The following DHX9 variants were observed in gnomAD, a reference collection of about 807,000 sequenced individuals.
The protein encoded by DHX9 is ATP-dependent RNA helicase A.
In DHX9, 27 loss-of-function variants were observed where a neutral mutation model predicts 148.7. That is an observed-to-expected ratio of 0.18 (90% confidence interval 0.13 to 0.25). DHX9 has a LOEUF of 0.25. DHX9 is among the 10% of genes least tolerant of loss of function. The pLI is 1.00. For missense variants in DHX9, 796 were observed against 1,559.6 expected (o/e 0.51, Z 8.25); for synonymous variants, 529 against 516.6 (o/e 1.02, Z -0.33).
intron 4 of DHX9, among the ~76,000 whole-genome samples, chr1:182,852,660 A>G (rs1345285334): frequency 6.6e-6 from 1 of 152,210 alleles, no homozygotes; most frequent in East Asian, 1.9e-4. Flanking sequence ...TACTAAATAT[A>G]TTGTTGACTT....
intron 14 of DHX9, 105 bp from the exon 15 acceptor site, chr1:182,872,232 G>C: frequency 1.1e-6 from 1 of 934,986 alleles, no homozygotes; most frequent in South Asian, 1.8e-5. Flanking sequence ...AGTCATCTAA[G>C]AAACTGAATT....
At position 182,881,341 on chromosome 1, in the gene DHX9, G is replaced by A. The variant is rs1034854266; in HGVS notation, c.2702G>A (p.Gly901Asp). ...EPFINEGKRL[G>D]YIHRNFAGNR... ...TTCATCAATGAAGGAAAGCGGCTGG[G>A]CTATATCCATCGAAATTTTGCTGGA... Residue 901 changes from glycine (G) to aspartate (D), a missense_variant, in exon 23 of 28, where the codon GGC (glycine) becomes GAC (aspartate). This residue lies in a region of DHX9 where 122 missense variants were observed against 289.3 expected (regional missense o/e 0.42). Coordinates refer to ENST00000367549, the MANE Select transcript of DHX9 (RefSeq NM_001357.5). The A allele has an allele frequency of 6.2e-7, 1 of 1,614,052 alleles. No homozygotes were observed. Among genetic ancestry groups the A allele is most frequent in the Non-Finnish European group, 8.5e-7 (1 of 1,180,034 alleles).
intron 3 of DHX9, among the ~76,000 whole-genome samples, chr1:182,851,018 T>C (rs1249661728): frequency 6.6e-6 from 1 of 151,940 alleles, no homozygotes; most frequent in African/African-American, 2.4e-5. Flanking sequence ...AGTGGCAAGG[T>C]GGTAGAAAGA....
intron 14 of DHX9, among the ~76,000 whole-genome samples, chr1:182,868,168 A>T (rs1648384583): frequency 6.6e-6 from 1 of 152,194 alleles, no homozygotes; most frequent in Non-Finnish European, 1.5e-5. Context: ...CATAAGTCAT[A>T]AAATTGAATA....
chr1:182,842,684 A>G lies in DHX9; in HGVS notation c.111+7A>G. 1 of 1,599,578 alleles carries G rather than the reference A, an allele frequency of 6.3e-7. No individual in the cohort carries two copies. The highest frequency in any genetic ancestry group is 8.5e-7 in the Non-Finnish European group (1 of 1,170,556). On this transcript the variant is annotated splice_region_variant and intron_variant, in intron 2 of 27. Transcript: ENST00000367549. Reference sequence around the variant, plus strand: ...GCAGAAATTCATGTGTGAGGTACTGAAGAATACAGTTTGCATTTATGTGAT... The same window carrying G: ...GCAGAAATTCATGTGTGAGGTACTGGAGAATACAGTTTGCATTTATGTGAT...
chr1:182,858,146 C>T lies in DHX9; in HGVS notation c.716C>T (p.Ala239Val). Residue 239 changes from alanine to valine, a missense_variant, in exon 8 of 28, where the codon GCA (alanine) becomes GTA (valine). Physicochemically the swap from Ala to Val is moderately conservative, Grantham distance 64 (BLOSUM62 0). Transcript: ENST00000367549. ...CATGGATCAAATAAGAAATTGGCAG[C>T]ACAGTCCTGTGCCCTGTCACTTGTC... is the stretch of plus-strand genomic sequence containing the variant. ...REHGSNKKLA[A>V]QSCALSLVRQ... 1 of 1,613,970 alleles carries T rather than the reference C, an allele frequency of 6.2e-7. No homozygotes were observed.
At chr1:182,879,217 G>C in intron 20 of DHX9, 33 bp from the exon 21 acceptor site, 1 of 1,435,124 alleles carries the variant, frequency 7.0e-7, no homozygotes, top group Non-Finnish European at 9.3e-7. Flanking sequence ...TATACACAAG[G>C]AGGATGGTTA....
At chr1:182,881,737 T>C in intron 24 of DHX9, 90 bp downstream of exon 24, 3 of 1,368,502 alleles carry the variant, frequency 2.2e-6, no homozygotes, top group Non-Finnish European at 3.0e-6. Flanking sequence ...AGTTTCAAAT[T>C]TTAGACCCTA....
chr1:182,858,692 G>A (rs758179634), intron 9 of DHX9, 41 bp from the exon 10 acceptor site: 5 of 1,612,410 alleles, frequency 3.1e-6, no homozygotes, highest in African/African-American at 1.3e-5. Flanking sequence ...CCGTAGACAA[G>A]CAAATCATAT....
rs370460849 is a variant in DHX9, at chr1:182,881,330, A to G, written c.2691A>G (p.Gly897=). 1.1e-4 allele frequency: 174 copies of G among 1,614,210 alleles called. No individual in the cohort carries two copies. The highest frequency in any genetic ancestry group is 3.3e-4 in the South Asian group (30 of 91,084). The part of the protein sequence containing the change: ...TCFPEPFINE[G]KRLGYIHRNF... ...TTCCAGAGCCTTTCATCAATGAAGGAAAGCGGCTGGGCTATATCCATCGAA... is the reference window on the plus strand; with the variant it reads ...TTCCAGAGCCTTTCATCAATGAAGGGAAGCGGCTGGGCTATATCCATCGAA... Residue 897 remains glycine, a synonymous_variant, in exon 23 of 28, where the codon GGA becomes GGG. Coordinates refer to ENST00000367549, the MANE Select transcript of DHX9 (RefSeq NM_001357.5).
At chr1:182,845,519 A>G (rs749368803) in intron 3 of DHX9, among the ~76,000 whole-genome samples, 1 of 151,560 alleles carries the variant, frequency 6.6e-6, no homozygotes, top group Admixed American at 6.6e-5. Context: ...GAGGTGGGGG[A>G]CTTTTTCCAC....
At chr1:182,866,710 CTT>C (rs1342899698) in intron 13 of DHX9, 125 bp downstream of exon 13, 1 of 1,262,572 alleles carries the variant, frequency 7.9e-7, no homozygotes, top group African/African-American at 1.5e-5. Context: ...TTAAATAAAA[CTT>C]TTGGCAGTTT....
At position 182,860,198 on chromosome 1, in the gene DHX9, C is replaced by CA; in HGVS notation, c.1332+16dup. 9.0e-6 allele frequency: 14 copies of CA among 1,554,936 alleles called. No homozygotes were observed. Among genetic ancestry groups the CA allele is most frequent in the Non-Finnish European group, 1.2e-5 (14 of 1,151,582 alleles). ...GTAGTAACTCAGGTAAGTGGTAAAC[C>CA]AACCATGAAATACCTAGAGAGCAGA... On this transcript the variant is annotated intron_variant, in intron 12 of 27. Transcript: ENST00000367549.
intron 16 of DHX9, among the ~76,000 whole-genome samples, chr1:182,875,502 GAA>G (rs1408557416): frequency 6.6e-6 from 1 of 152,188 alleles, no homozygotes; most frequent in Non-Finnish European, 1.5e-5. Flanking sequence ...AAACAGGAAA[GAA>G]AAGACTTTGT....
In DHX9 at chr1:182,867,085, A is replaced by T. The variant is rs142267071; in HGVS notation, c.1557+42A>T. 4 of 1,246,130 alleles carry T rather than the reference A, an allele frequency of 3.2e-6. No individual in the cohort carries two copies. In the East Asian group the frequency reaches 1.1e-4, roughly 33 times the overall value. The allele number at this position is 1,246,130 out of a possible 1,614,324, so 77.2% of individuals were successfully genotyped here. A position where few individuals can be genotyped will look rare whatever the true frequency, so the allele number is the denominator to read the frequency against. On this transcript the variant is annotated intron_variant, in intron 14 of 27. Coordinates refer to ENST00000367549, the MANE Select transcript of DHX9 (RefSeq NM_001357.5). The stretch of plus-strand genomic sequence containing the variant: ...GTACAGTAAGGTACTTAATTCTGCT[A>T]TTTCTAAGAGAAATCAGTAGAATGT...
intron 27 of DHX9, 132 bp from the exon 28 acceptor site, chr1:182,886,951 C>G: frequency 1.3e-6 from 1 of 784,408 alleles, no homozygotes; most frequent in South Asian, 1.8e-5. Flanking sequence ...AATTTTATTT[C>G]AATTTCTATT....
Position 182,876,964 on chromosome 1 carries a change from G to A in DHX9, c.2198+61G>A. 2 of 1,241,496 alleles carry A rather than the reference G, an allele frequency of 1.6e-6. 1 individual carries two copies. Among genetic ancestry groups the A allele is most frequent in the Non-Finnish European group, 2.3e-6 (2 of 863,854 alleles). The allele number at this position is 1,241,496 out of a possible 1,614,324, so 76.9% of individuals were successfully genotyped here. A position where few individuals can be genotyped will look rare whatever the true frequency, so the allele number is the denominator to read the frequency against. On this transcript the variant is annotated intron_variant, in intron 19 of 27. Coordinates refer to ENST00000367549, the MANE Select transcript of DHX9 (RefSeq NM_001357.5). ...GTTACTAACTGGAAACTTCTTACCA[G>A]TTAACAGAATCAAAAACACCTTATT...
intron 2 of DHX9, 22 bp from the exon 3 acceptor site, chr1:182,843,272 G>A: frequency 6.6e-7 from 1 of 1,507,624 alleles, no homozygotes; most frequent in Non-Finnish European, 8.9e-7. Context: ...CAGTCTCTTA[G>A]TACTTTTTTT....
chr1:182,881,583 A>G lies in DHX9; in HGVS notation c.2850A>G (p.Leu950=), dbSNP rs779831350. The part of the protein sequence containing the change: ...CEHKRLNMAT[L]RMTWEAKVQL... ...ACAAAAGACTTAATATGGCTACACT[A>G]AGAATGACTTGGGAAGCCAAAGTTC... The change falls in exon 24 of 28, where the codon CTA becomes CTG. Residue 950 remains leucine, a synonymous_variant. Coordinates refer to ENST00000367549, the MANE Select transcript of DHX9 (RefSeq NM_001357.5). 12 of 1,613,450 alleles carry G rather than the reference A, an allele frequency of 7.4e-6. No homozygotes were observed. The South Asian group carries it at 8.8e-5, about 12-fold the overall frequency.
Sources: allele counts gnomAD v4.1 joint callset (sites outside exome capture counted in the v4.1 genomes callset), GRCh38; gene constraint gnomAD v4.1.1; regional missense constraint gnomAD v4.1.1; transcripts MANE v1.5; gene names NCBI Gene and HGNC (gene_info 2026-07-23, HGNC 2026-07-21).